CCDC68: variants seen among roughly 807,000 people sequenced by gnomAD.
CCDC68 encodes coiled-coil domain containing 68.
Under a neutral mutation model 47.1 loss-of-function variants are expected in CCDC68, and 45 were observed. The ratio of observed to expected loss-of-function variants is 0.96; its 90% CI spans 0.75 to 1.23. The LOEUF is 1.23. CCDC68 is among the 50% of genes most tolerant of loss of function. The pLI is 0.00. For synonymous variants in CCDC68, 131 were observed against 129.5 expected (o/e 1.01, Z -0.08); for missense variants, 353 against 373.6 (o/e 0.94, Z 0.45).
At position 54,917,979 on chromosome 18, in the gene CCDC68, AT is replaced by A; in HGVS notation, c.806del (p.Asn269IlefsTer3). ...SVIQEMEGLK[N>X]NLKEQDKRIE... ...TTCTTTTGTCTTGTTCTTTTAAATT[AT>A]TTTTTAATCCTTCCATCTAAGAATT... On this transcript the variant is annotated frameshift_variant, in exon 10 of 12. Transcript: ENST00000591504. LOFTEE classifies it high-confidence loss of function. 1.4e-6 allele frequency: 2 copies of A among 1,478,220 alleles called. No individual in the cohort carries two copies. The highest frequency in any genetic ancestry group is 1.9e-6 in the Non-Finnish European group (2 of 1,065,256). 91.6% of individuals were successfully genotyped at this position (1,478,220 alleles called of 1,614,324 possible).
chr18:54,949,591 A>G (rs1048200681), intron 1 of CCDC68, among the ~76,000 whole-genome samples: 4 of 152,226 alleles, frequency 2.6e-5, no homozygotes, highest in African/African-American at 4.8e-5. Context: ...GTATTCACTC[A>G]CGTCTGGGGG....
intron 10 of CCDC68, among the ~76,000 whole-genome samples, chr18:54,910,585 G>A (rs576820103): frequency 6.6e-6 from 1 of 152,328 alleles, no homozygotes; most frequent in African/African-American, 2.4e-5. Flanking sequence ...AGGACTCACT[G>A]GAGACCTGCC....
chr18:54,938,624 C>T (rs978535210), intron 4 of CCDC68, among the ~76,000 whole-genome samples: 2 of 152,220 alleles, frequency 1.3e-5, no homozygotes, highest in Admixed American at 6.5e-5. Flanking sequence ...ACACTTGGAA[C>T]ATAAATCTCA....
At chr18:54,904,497 A>C in intron 11 of CCDC68, 82 bp from the exon 12 acceptor site, 1 of 1,073,394 alleles carries the variant, frequency 9.3e-7, no homozygotes, top group Non-Finnish European at 1.4e-6. Flanking sequence ...CTCAACTACC[A>C]CAATACTATT....
chr18:54,938,137 T>C (rs764785121), intron 4 of CCDC68, 40 bp from the exon 5 acceptor site: 1 of 1,576,774 alleles, frequency 6.3e-7, no homozygotes, highest in East Asian at 2.3e-5. Flanking sequence ...TGACTATCTT[T>C]TCCTCTACAA....
At chr18:54,952,689 G>A (rs1207533207) in intron 1 of CCDC68, among the ~76,000 whole-genome samples, 1 of 152,158 alleles carries the variant, frequency 6.6e-6, no homozygotes, top group African/African-American at 2.4e-5. Context: ...CAAGTCAAAT[G>A]TTCACCAACA....
chr18:54,919,794 T>C (rs2044022956), intron 8 of CCDC68, among the ~76,000 whole-genome samples: 1 of 152,208 alleles, frequency 6.6e-6, no homozygotes, highest in South Asian at 2.1e-4. Context: ...TTTTATCTAT[T>C]AATATATTTA....
chr18:54,952,824 C>T (rs1037007820), intron 1 of CCDC68, among the ~76,000 whole-genome samples: 2 of 152,084 alleles, frequency 1.3e-5, no homozygotes, highest in Middle Eastern at 3.2e-3. Flanking sequence ...AGCAGACTGG[C>T]CAACATGGCG....
chr18:54,914,130 C>T (rs2043903833), intron 10 of CCDC68, among the ~76,000 whole-genome samples: 1 of 152,200 alleles, frequency 6.6e-6, no homozygotes, highest in Non-Finnish European at 1.5e-5. Context: ...CCTGACACAT[C>T]ATAAACACAC....
At chr18:54,911,682 T>G (rs2145380498) in intron 10 of CCDC68, among the ~76,000 whole-genome samples, 1 of 152,254 alleles carries the variant, frequency 6.6e-6, no homozygotes, top group Non-Finnish European at 1.5e-5. Flanking sequence ...CTATAGTACT[T>G]TACACTTGAC....
At chr18:54,911,150 C>A (rs537758657) in intron 10 of CCDC68, among the ~76,000 whole-genome samples, 8 of 152,170 alleles carry the variant, frequency 5.3e-5, no homozygotes. Context: ...TGGGTTCAAG[C>A]GATTCTCCTG....
At chr18:54,940,471 A>G (rs2044417097) in intron 4 of CCDC68, among the ~76,000 whole-genome samples, 1 of 152,236 alleles carries the variant, frequency 6.6e-6, no homozygotes, top group Non-Finnish European at 1.5e-5. Flanking sequence ...CTCTGTGGCC[A>G]TGCCTATAGT....
At chr18:54,936,373 T>C (rs1227444602) in intron 6 of CCDC68, among the ~76,000 whole-genome samples, 1 of 150,908 alleles carries the variant, frequency 6.6e-6, no homozygotes, top group Non-Finnish European at 1.5e-5. Flanking sequence ...TCTGTTTTTT[T>C]AAATCCGAAG....
chr18:54,938,206 C>A (rs1209416983), intron 4 of CCDC68, 109 bp from the exon 5 acceptor site: 2 of 962,060 alleles, frequency 2.1e-6, no homozygotes, highest in Non-Finnish European at 2.8e-6. Flanking sequence ...TTCAGATCAG[C>A]ACAAACAAAC....
At position 54,902,548 on chromosome 18, in the gene CCDC68, A is replaced by T. The variant is rs1167685573; in HGVS notation, c.*1810T>A. ...AAGTCATAAATAATAAATGTATGAT[A>T]AACAGATTTTTAGCAGGGAAGTTTG... On this transcript the variant is annotated 3_prime_UTR_variant, in exon 12 of 12. Coordinates refer to ENST00000591504, the MANE Select transcript of CCDC68 (RefSeq NM_025214.3). 1 of 152,262 alleles carries T rather than the reference A, an allele frequency of 6.6e-6. No homozygotes were observed. Among genetic ancestry groups the T allele is most frequent in the Non-Finnish European group, 1.5e-5 (1 of 68,042 alleles). 9.4% of individuals were successfully genotyped at this position (152,262 alleles called of 1,614,324 possible). A position where few individuals can be genotyped will look rare whatever the true frequency, so the allele number is the denominator to read the frequency against.
chr18:54,950,788 G>GTATATATATATATATATATATA lies in CCDC68; in HGVS notation c.-102-5312_-102-5311insTATATATATATATATATATATA, dbSNP rs759466735. Among the ~76,000 whole-genome samples, 675 of 97,152 alleles carry GTATATATATATATATATATATA rather than the reference G, an allele frequency of 6.9e-3. 29 individuals carry two copies. The highest frequency in any genetic ancestry group is 0.012 in the Admixed American group (111 of 9,218). The allele number at this position is 97,152 out of a possible 152,430, so 63.7% of individuals were successfully genotyped here. A position where few individuals can be genotyped will look rare whatever the true frequency, so the allele number is the denominator to read the frequency against. On this transcript the variant is annotated intron_variant, in intron 1 of 11. Coordinates refer to ENST00000591504, the MANE Select transcript of CCDC68 (RefSeq NM_025214.3). The stretch of plus-strand genomic sequence containing the variant: ...CTGTGTTATTGTTATTATCTTCAGT[G>GTATATATATATATATATATATA]TATATATATATATATGATGCAATAA...
intron 10 of CCDC68, among the ~76,000 whole-genome samples, chr18:54,914,008 T>C (rs1291041914): frequency 6.6e-6 from 1 of 152,210 alleles, no homozygotes; most frequent in Non-Finnish European, 1.5e-5. Flanking sequence ...CTAAGCAAGC[T>C]GTGTACTTGC....
rs763630412 is a variant in CCDC68 at position 54,927,935 on chromosome 18, C to T, written c.683+865G>A. Among the ~76,000 whole-genome samples the T allele has an allele frequency of 4.8e-4, 73 of 152,138 alleles. 1 individual carries two copies. The highest frequency in any genetic ancestry group is 4.0e-4 in the Non-Finnish European group (27 of 68,018). ...AGCAGGGAGCCTGTAGGGGGGAAAT[C>T]GAAAGACTGAGAAAGAGGGATGTCT... is the stretch of plus-strand genomic sequence containing the variant. On this transcript the variant is annotated intron_variant, in intron 8 of 11. Transcript: ENST00000591504.
intron 8 of CCDC68, among the ~76,000 whole-genome samples, chr18:54,926,406 A>G (rs1246944668): frequency 6.6e-6 from 1 of 152,148 alleles, no homozygotes; most frequent in Non-Finnish European, 1.5e-5. Context: ...AACCATCAGA[A>G]CTTGTGAGAA....
Sources: gnomAD v4.1 joint callset for allele counts (sites outside exome capture counted in the v4.1 genomes callset) on GRCh38, gnomAD v4.1.1 for gene constraint, MANE v1.5 for transcripts, NCBI Gene and HGNC (gene_info 2026-07-23, HGNC 2026-07-21) for gene names.